The following PPM1L variants were observed in gnomAD, a reference collection of about 807,000 sequenced individuals.
PPM1L encodes protein phosphatase 1L.
In PPM1L, 13 loss-of-function variants were observed where a neutral mutation model predicts 31.4. The observed-to-expected ratio is 0.41, with a 90% confidence interval of 0.27 to 0.66. The LOEUF is 0.66. Among genes scored for constraint, PPM1L ranks in the 30% least tolerant of loss-of-function variants. The probability of loss-of-function intolerance (pLI) is 0.29; values close to 1 mark genes in which losing one functional copy is unlikely to be tolerated. For missense variants in PPM1L, 326 were observed against 453.7 expected (o/e 0.72, Z 2.56); for synonymous variants, 184 against 175.4 (o/e 1.05, Z -0.39).
intron 2 of PPM1L, among the ~76,000 whole-genome samples, chr3:161,031,931 AG>A (rs1160121934): frequency 2.6e-5 from 4 of 152,174 alleles, no homozygotes; most frequent in Non-Finnish European, 5.9e-5. Context: ...TAGGGCAACA[AG>A]GGTTCATAGT....
intron 1 of PPM1L, among the ~76,000 whole-genome samples, chr3:160,779,645 C>A (rs1345060648): frequency 6.6e-6 from 1 of 152,042 alleles, no homozygotes; most frequent in African/African-American, 2.4e-5. Flanking sequence ...GCCTCCGCCT[C>A]CCTAGTAGCT....
chr3:161,054,684 G>C (rs563442497), intron 2 of PPM1L, among the ~76,000 whole-genome samples: 1 of 152,076 alleles, frequency 6.6e-6, no homozygotes, highest in Non-Finnish European at 1.5e-5. Flanking sequence ...GTGACCTTGG[G>C]CTAGTCACAT....
At position 161,076,165 on chromosome 3, in the gene PPM1L, T is replaced by TA. The variant is rs1340178086; in HGVS notation, c.*7010dup. ...AGGTTGCTCATATGATTAAAAAAAT[T>TA]AATCCTGTAGAAATGATGTATTAGA... On this transcript the variant is annotated 3_prime_UTR_variant, in exon 4 of 4. Transcript: ENST00000498165. The TA allele has an allele frequency of 2.0e-5, 3 of 152,188 alleles. No individual in the cohort carries two copies. Among genetic ancestry groups the TA allele is most frequent in the Non-Finnish European group, 4.4e-5 (3 of 68,022 alleles). The allele number at this position is 152,188 out of a possible 1,614,324, so 9.4% of individuals were successfully genotyped here. A position where few individuals can be genotyped will look rare whatever the true frequency, so the allele number is the denominator to read the frequency against.
intron 1 of PPM1L, among the ~76,000 whole-genome samples, chr3:160,960,558 TTGTGTGTGTGTGTGTGTG>T (rs59297068): frequency 6.2e-4 from 90 of 145,568 alleles, no homozygotes; most frequent in African/African-American, 1.8e-3. Flanking sequence ...TTTAGCAGTT[TTGTGTGTGTGTGTGTGTG>T]TGTGTGTGTG....
chr3:160,813,750 T>C (rs1195465025), intron 1 of PPM1L, among the ~76,000 whole-genome samples: 1 of 152,236 alleles, frequency 6.6e-6, no homozygotes, highest in Non-Finnish European at 1.5e-5. Context: ...TTGATTTGGT[T>C]TCATGCATGC....
At chr3:160,923,651 G>A (rs1362212516) in intron 1 of PPM1L, among the ~76,000 whole-genome samples, 4 of 152,130 alleles carry the variant, frequency 2.6e-5, no homozygotes, top group Non-Finnish European at 5.9e-5. Flanking sequence ...GTAGTTAACC[G>A]TAAGAAAATA....
chr3:160,795,979 A>G (rs1441739830), intron 1 of PPM1L, among the ~76,000 whole-genome samples: 9 of 152,198 alleles, frequency 5.9e-5, no homozygotes, highest in African/African-American at 2.2e-4. Flanking sequence ...GATCTTAGGG[A>G]AATCCCTTAA....
intron 1 of PPM1L, among the ~76,000 whole-genome samples, chr3:160,913,275 G>T (rs575647662): frequency 6.6e-6 from 1 of 152,228 alleles, no homozygotes; most frequent in East Asian, 1.9e-4. Flanking sequence ...CTGTATTCTG[G>T]ACAACAAGCA....
chr3:160,918,955 A>G (rs575406698), intron 1 of PPM1L, among the ~76,000 whole-genome samples: 2 of 152,378 alleles, frequency 1.3e-5, no homozygotes. Flanking sequence ...TGATACATAC[A>G]AATGAAGGAG....
chr3:161,007,258 A>G (rs1484703170), intron 2 of PPM1L, among the ~76,000 whole-genome samples: 1 of 152,254 alleles, frequency 6.6e-6, no homozygotes, highest in Non-Finnish European at 1.5e-5. Flanking sequence ...ATGCCAGGAC[A>G]TAAGTAGGTT....
chr3:160,853,515 C>A (rs2108114852), intron 1 of PPM1L, among the ~76,000 whole-genome samples: 1 of 152,052 alleles, frequency 6.6e-6, no homozygotes, highest in African/African-American at 2.4e-5. Flanking sequence ...AATAGAAAAT[C>A]TGAAAGGGAA....
At chr3:160,882,050 C>CAA (rs35341382) in intron 1 of PPM1L, among the ~76,000 whole-genome samples, 8,650 of 125,694 alleles carry the variant, frequency 0.069, 785 homozygotes, top group African/African-American at 0.23. Context: ...GACTCTGTCT[C>CAA]AAAAAAAAAA....
intron 2 of PPM1L, among the ~76,000 whole-genome samples, chr3:161,028,486 A>G (rs1364898768): frequency 6.6e-6 from 1 of 152,186 alleles, no homozygotes; most frequent in East Asian, 1.9e-4. Flanking sequence ...CCTGGGGAAC[A>G]GGTAGAAGAA....
chr3:160,918,428 G>A (rs941791787), intron 1 of PPM1L, among the ~76,000 whole-genome samples: 41 of 152,336 alleles, frequency 2.7e-4, no homozygotes, highest in African/African-American at 8.2e-4. Context: ...GAAAATTTGC[G>A]CTCTAATCTG....
chr3:160,936,518 A>T (rs1714979032), intron 1 of PPM1L, among the ~76,000 whole-genome samples: 1 of 152,228 alleles, frequency 6.6e-6, no homozygotes, highest in African/African-American at 2.4e-5. Flanking sequence ...AAGTGCATAA[A>T]GTTTCTCGGA....
intron 1 of PPM1L, among the ~76,000 whole-genome samples, chr3:160,817,156 G>A (rs1403707774): frequency 6.6e-6 from 1 of 152,012 alleles, no homozygotes. Context: ...TACTTGCACG[G>A]GTGCTTTCAG....
At chr3:161,031,502 C>CTTTTTTTTTTTTTTT (rs760907219) in intron 2 of PPM1L, among the ~76,000 whole-genome samples, 1,032 of 101,544 alleles carry the variant, frequency 0.01, 208 homozygotes, top group African/African-American at 0.038. Context: ...GTATTCTGTC[C>CTTTTTTTTTTTTTTT]TTTTTTTTTT....
At chr3:160,806,574 C>T (rs1027761991) in intron 1 of PPM1L, among the ~76,000 whole-genome samples, 2 of 152,088 alleles carry the variant, frequency 1.3e-5, no homozygotes, top group Non-Finnish European at 2.9e-5. Context: ...AATGAATCCC[C>T]ACCTTAGCTG....
At chr3:160,955,040 A>G (rs1011880706) in intron 1 of PPM1L, among the ~76,000 whole-genome samples, 10 of 142,760 alleles carry the variant, frequency 7.0e-5, no homozygotes, top group Non-Finnish European at 1.2e-4. Flanking sequence ...TTGACAGAGT[A>G]TCACTCTGTC....
Sources: allele counts gnomAD v4.1 joint callset (sites outside exome capture counted in the v4.1 genomes callset), GRCh38; gene constraint gnomAD v4.1.1; transcripts MANE v1.5; gene names NCBI Gene and HGNC (gene_info 2026-07-23, HGNC 2026-07-21).